The following KCNIP4 variants were observed in gnomAD, a reference collection of about 807,000 sequenced individuals.
The protein encoded by KCNIP4 is Kv channel-interacting protein 4.
A neutral mutation model predicts 34.0 loss-of-function variants in KCNIP4; 12 were observed. The observed-to-expected ratio is 0.35, with a 90% CI of 0.23 to 0.57. The LOEUF (loss-of-function observed/expected upper bound fraction) is 0.57. KCNIP4 is among the 20% of genes least tolerant of loss of function. The pLI is 0.83. For synonymous variants in KCNIP4, 124 were observed against 102.2 expected, an observed-to-expected ratio of 1.21 and a Z score of -1.29; for missense variants, 238 against 311.7, an observed-to-expected ratio of 0.76 and a Z score of 1.78.
Position 21,913,265 on chromosome 4 carries a change from A to C in KCNIP4, c.61+35306T>G, listed in dbSNP as rs566085310. On this transcript the variant is annotated intron_variant, in intron 1 of 8. Coordinates refer to ENST00000382152, the MANE Select transcript of KCNIP4 (RefSeq NM_025221.6). ...TGAGGCAAGAGGATTTCTCGAGTCC[A>C]GGAGTTGGGGGCTGCAGTGAGCTAT... Among the ~76,000 whole-genome samples the C allele has an allele frequency of 5.9e-5, 9 of 152,126 alleles. No homozygotes were observed. The South Asian group carries it at 1.0e-3, about 18-fold the overall frequency.
At chr4:20,975,647 G>C (rs1194156143) in intron 1 of KCNIP4, among the ~76,000 whole-genome samples, 1 of 152,114 alleles carries the variant, frequency 6.6e-6, no homozygotes, top group Non-Finnish European at 1.5e-5. Context: ...CCCCTCAATA[G>C]TACAGAAGGG....
intron 3 of KCNIP4, chr4:20,767,513 G>A (rs927299173): frequency 6.6e-6 from 1 of 152,190 alleles, no homozygotes; most frequent in Non-Finnish European, 1.5e-5. Flanking sequence ...AACATATTTT[G>A]TGAGTGCTTC....
intron 1 of KCNIP4, among the ~76,000 whole-genome samples, chr4:21,911,122 G>A (rs1728282948): frequency 6.6e-6 from 1 of 151,968 alleles, no homozygotes; most frequent in Non-Finnish European, 1.5e-5. Context: ...GGCAACTTTA[G>A]AACCTTCAAA....
At chr4:21,457,554 G>A (rs1729060651) in intron 1 of KCNIP4, among the ~76,000 whole-genome samples, 1 of 151,946 alleles carries the variant, frequency 6.6e-6, no homozygotes, top group Admixed American at 6.6e-5. Flanking sequence ...TCTGGTATTG[G>A]GGAGTGGTGG....
intron 1 of KCNIP4, among the ~76,000 whole-genome samples, chr4:21,500,331 T>G (rs995467179): frequency 2.6e-5 from 4 of 152,128 alleles, no homozygotes; most frequent in Non-Finnish European, 2.9e-5. Flanking sequence ...GTGAGAGAAC[T>G]GATTTGGGAG....
chr4:21,052,002 A>G (rs551035741), intron 1 of KCNIP4, among the ~76,000 whole-genome samples: 4 of 152,342 alleles, frequency 2.6e-5, no homozygotes, highest in Middle Eastern at 6.8e-3. Flanking sequence ...GATATTTCAT[A>G]AAATAACTAC....
intron 3 of KCNIP4, among the ~76,000 whole-genome samples, chr4:20,802,076 C>T: frequency 7.0e-6 from 1 of 142,694 alleles, no homozygotes; most frequent in Non-Finnish European, 1.5e-5. Context: ...ATCAAGAAGA[C>T]TTAAAAATTG....
chr4:20,984,007 C>G, intron 1 of KCNIP4: 2 of 1,511,302 alleles, frequency 1.3e-6, no homozygotes, highest in South Asian at 2.5e-5. Context: ...CAACGTCAGG[C>G]TTGGAACAAA....
chr4:20,982,382 G>A (rs1736149505), intron 1 of KCNIP4, among the ~76,000 whole-genome samples: 1 of 152,170 alleles, frequency 6.6e-6, no homozygotes, highest in South Asian at 2.1e-4. Context: ...TAAGACACCA[G>A]CATTTAGTGC....
Position 21,030,433 on chromosome 4 carries a change from A to C in KCNIP4, c.62-147724T>G, listed in dbSNP as rs1227567939. ...TCATTATATATTACTATGTAATAATAGCAGAAATAAAGTGCACAATAAATG... is the reference window on the plus strand; with the variant it reads ...TCATTATATATTACTATGTAATAATCGCAGAAATAAAGTGCACAATAAATG... On this transcript the variant is annotated intron_variant, in intron 1 of 8. Transcript: ENST00000382152. Among the ~76,000 whole-genome samples, 5 of 152,304 alleles carry C rather than the reference A, an allele frequency of 3.3e-5. No individual in the cohort carries two copies. In the East Asian group the frequency reaches 9.7e-4, roughly 29 times the overall value.
chr4:21,402,260 T>C (rs575825395), intron 1 of KCNIP4, among the ~76,000 whole-genome samples: 1 of 152,332 alleles, frequency 6.6e-6, no homozygotes, highest in East Asian at 1.9e-4. Context: ...AGTGGAGTTA[T>C]TCAAAAATGA....
rs1042432462 is a variant in KCNIP4 at position 21,241,455 on chromosome 4, A to G, written c.62-358746T>C. ...GACATTCACAGAGGGGTTAGAATCAAGTCAGAGGCTAATGGCTGAGTCACC... is the reference window on the plus strand; with the variant it reads ...GACATTCACAGAGGGGTTAGAATCAGGTCAGAGGCTAATGGCTGAGTCACC... On this transcript the variant is annotated intron_variant, in intron 1 of 8. Coordinates refer to ENST00000382152, the MANE Select transcript of KCNIP4 (RefSeq NM_025221.6). Among the ~76,000 whole-genome samples the G allele has an allele frequency of 2.0e-5, 3 of 152,156 alleles. No homozygotes were observed. In the South Asian group the frequency reaches 6.2e-4, roughly 31 times the overall value.
intron 1 of KCNIP4, among the ~76,000 whole-genome samples, chr4:21,327,878 C>T (rs1055029364): frequency 5.3e-5 from 8 of 152,056 alleles, no homozygotes; most frequent in African/African-American, 1.4e-4. Context: ...CATTTTTCAA[C>T]TCAAGAATTT....
chr4:21,765,931 C>G (rs1479638644), intron 1 of KCNIP4, among the ~76,000 whole-genome samples: 1 of 151,260 alleles, frequency 6.6e-6, no homozygotes, highest in Non-Finnish European at 1.5e-5. Flanking sequence ...AAAAGGCATA[C>G]AGTAAACTAA....
At chr4:21,271,680 C>T (rs923700043) in intron 1 of KCNIP4, among the ~76,000 whole-genome samples, 1 of 152,108 alleles carries the variant, frequency 6.6e-6, no homozygotes, top group African/African-American at 2.4e-5. Flanking sequence ...TGGGGCTACA[C>T]TTCCAGAAGC....
intron 1 of KCNIP4, among the ~76,000 whole-genome samples, chr4:21,716,893 G>A (rs1379235604): frequency 1.3e-5 from 2 of 152,114 alleles, no homozygotes; most frequent in Non-Finnish European, 2.9e-5. Flanking sequence ...TAGAAATACA[G>A]AAGCCACTTC....
chr4:20,764,992 A>G (rs1755273278), intron 3 of KCNIP4, among the ~76,000 whole-genome samples: 1 of 152,206 alleles, frequency 6.6e-6, no homozygotes, highest in Admixed American at 6.5e-5. Flanking sequence ...TTTAGACATG[A>G]GGACAATGAG....
intron 1 of KCNIP4, among the ~76,000 whole-genome samples, chr4:21,842,776 TACA>T (rs1723765422): frequency 2.0e-5 from 3 of 152,080 alleles, no homozygotes; most frequent in Non-Finnish European, 4.4e-5. Flanking sequence ...GTAACATTAT[TACA>T]ACGATTATTA....
At chr4:21,637,013 C>A (rs1333901481) in intron 1 of KCNIP4, among the ~76,000 whole-genome samples, 1 of 152,002 alleles carries the variant, frequency 6.6e-6, no homozygotes, top group African/African-American at 2.4e-5. Context: ...CAAGCAGCAG[C>A]GAAGAGGGGA....
Sources: allele counts gnomAD v4.1 joint callset (sites outside exome capture counted in the v4.1 genomes callset), GRCh38; gene constraint gnomAD v4.1.1; transcripts MANE v1.5; gene names NCBI Gene and HGNC (gene_info 2026-07-23, HGNC 2026-07-21).